Variants in CCDC60 observed in about 807,000 individuals in gnomAD.
CCDC60 encodes the protein coiled-coil domain containing 60.
CCDC60 carries 54 observed loss-of-function variants against 63.5 expected under a neutral mutation model. The ratio of observed to expected loss-of-function variants is 0.85; its 90% CI spans 0.68 to 1.07. The LOEUF is 1.07. Ranked by LOEUF, CCDC60 falls within the 50% of genes least tolerant of loss-of-function variation. The pLI is 0.00. For synonymous variants in CCDC60, 206 were observed against 238.8 expected, an observed-to-expected ratio of 0.86 and a Z score of 1.27; for missense variants, 651 against 684.3, an observed-to-expected ratio of 0.95 and a Z score of 0.54.
At chr12:119,504,119 G>A (rs1951928180) in intron 6 of CCDC60, among the ~76,000 whole-genome samples, 1 of 151,922 alleles carries the variant, frequency 6.6e-6, no homozygotes, top group South Asian at 2.1e-4. Context: ...CGATGTCACT[G>A]AAAAAAAACT....
intron 1 of CCDC60, among the ~76,000 whole-genome samples, chr12:119,354,329 T>C (rs1272408510): frequency 6.6e-6 from 1 of 152,200 alleles, no homozygotes; most frequent in East Asian, 1.9e-4. Context: ...ACTCCTTGTT[T>C]CGTTAATGTG....
intron 4 of CCDC60, among the ~76,000 whole-genome samples, chr12:119,483,912 T>C (rs538513747): frequency 2.0e-3 from 297 of 152,166 alleles, no homozygotes; most frequent in African/African-American, 6.8e-3. Flanking sequence ...AAAAGACCGA[T>C]TTCTATCAAG....
At chr12:119,523,566 C>T in intron 10 of CCDC60, 127 bp from the exon 11 acceptor site, 1 of 1,325,290 alleles carries the variant, frequency 7.5e-7, no homozygotes, top group Non-Finnish European at 1.0e-6. Context: ...GGGCAGAGAA[C>T]CCAGGTGGCT....
At chr12:119,482,057 A>G (rs1055627278) in intron 4 of CCDC60, among the ~76,000 whole-genome samples, 3 of 146,654 alleles carry the variant, frequency 2.0e-5, no homozygotes, top group African/African-American at 7.5e-5. Flanking sequence ...ATATGTGTGT[A>G]TATATATGAT....
chr12:119,530,910 A>G lies in CCDC60; in HGVS notation c.1398A>G (p.Leu466=). Residue 466 remains leucine (L), a synonymous_variant, in exon 13 of 14, where the codon CTA becomes CTG. Coordinates refer to ENST00000327554, the MANE Select transcript of CCDC60 (RefSeq NM_178499.5). Reference sequence around the variant, plus strand: ...TGTTGTCCAAACTGCCAGAGGATCTAAAGAACTTCCGCCCCGCCAAAAAGA... The same window carrying G: ...TGTTGTCCAAACTGCCAGAGGATCTGAAGAACTTCCGCCCCGCCAAAAAGA... The part of the protein sequence containing the change: ...FDLLSKLPED[L]KNFRPAKKIL... 6.2e-7 allele frequency: 1 copy of G among 1,614,118 alleles called. No homozygotes were observed. Among genetic ancestry groups the G allele is most frequent in the South Asian group, 1.1e-5 (1 of 91,070 alleles).
chr12:119,514,643 A>C (rs1952305610), intron 7 of CCDC60, among the ~76,000 whole-genome samples: 1 of 152,228 alleles, frequency 6.6e-6, no homozygotes, highest in Admixed American at 6.5e-5. Flanking sequence ...AGAAATTTAA[A>C]AAATGTAAAG....
intron 1 of CCDC60, among the ~76,000 whole-genome samples, chr12:119,361,319 G>A (rs1955789041): frequency 6.6e-6 from 1 of 152,064 alleles, no homozygotes; most frequent in African/African-American, 2.4e-5. Flanking sequence ...GGAATCAGAG[G>A]TTCACATTAC....
intron 1 of CCDC60, among the ~76,000 whole-genome samples, chr12:119,387,616 CTT>C (rs897392266): frequency 2.0e-5 from 3 of 152,044 alleles, no homozygotes; most frequent in African/African-American, 4.8e-5. Context: ...ATATATGAAT[CTT>C]TACACATTTT....
At chr12:119,397,624 C>T (rs1956282425) in intron 1 of CCDC60, among the ~76,000 whole-genome samples, 1 of 147,840 alleles carries the variant, frequency 6.8e-6, no homozygotes, top group Admixed American at 6.8e-5. Context: ...TCCAAGTCCC[C>T]ACTCAACTCA....
rs764715710 is a variant in CCDC60, at chr12:119,489,805, C to CT, written c.557+951dup. Among the ~76,000 whole-genome samples, 507 of 144,440 alleles carry CT rather than the reference C, an allele frequency of 3.5e-3. 1 individual carries two copies. The highest frequency in any genetic ancestry group is 5.5e-3 in the African/African-American group (217 of 39,574). The allele number at this position is 144,440 out of a possible 152,430, so 94.8% of individuals were successfully genotyped here. On this transcript the variant is annotated intron_variant, in intron 5 of 13. Transcript: ENST00000327554. ...GTCTTCCTCTTCCCAAAACCTGAGT[C>CT]TTTTTTTTTTTTAGACAGAGTCTTG...
intron 9 of CCDC60, among the ~76,000 whole-genome samples, chr12:119,522,696 G>A (rs919652446): frequency 8.5e-5 from 13 of 152,194 alleles, no homozygotes; most frequent in African/African-American, 2.9e-4. Flanking sequence ...GCTGTGGACC[G>A]TAAGGCAGGG....
intron 7 of CCDC60, among the ~76,000 whole-genome samples, chr12:119,506,928 G>A (rs907724374): frequency 7.2e-5 from 11 of 152,140 alleles, no homozygotes; most frequent in Non-Finnish European, 1.2e-4. Context: ...AGAAGAGAGG[G>A]TAAGACAGGG....
intron 1 of CCDC60, among the ~76,000 whole-genome samples, chr12:119,399,020 TCA>T (rs1956338647): frequency 6.6e-6 from 1 of 152,008 alleles, no homozygotes. Context: ...TTGCCCAGAG[TCA>T]CACAGTGATG....
In CCDC60 at chr12:119,406,363, C is replaced by T. The variant is rs141168840; in HGVS notation, c.91-22320C>T. ...AGATCAATAGCATTCACATTCCATACCCATAATTCAGTTTCCCAGGCTTTG... is the reference window on the plus strand; with the variant it reads ...AGATCAATAGCATTCACATTCCATATCCATAATTCAGTTTCCCAGGCTTTG... On this transcript the variant is annotated intron_variant, in intron 1 of 13. Coordinates refer to ENST00000327554, the MANE Select transcript of CCDC60 (RefSeq NM_178499.5). Among the ~76,000 whole-genome samples the T allele has an allele frequency of 4.9e-3, 745 of 152,200 alleles. 9 individuals carry two copies. Among genetic ancestry groups the T allele is most frequent in the African/African-American group, 0.017 (720 of 41,526 alleles).
chr12:119,399,107 T>C (rs1021727025), intron 1 of CCDC60, among the ~76,000 whole-genome samples: 7 of 152,162 alleles, frequency 4.6e-5, no homozygotes, highest in East Asian at 1.9e-4. Context: ...AAAAAAAATA[T>C]AGGATGAAGG....
chr12:119,445,161 C>T (rs976534924), intron 2 of CCDC60, among the ~76,000 whole-genome samples: 2 of 151,950 alleles, frequency 1.3e-5, no homozygotes, highest in African/African-American at 2.4e-5. Context: ...AGGCCAGGCG[C>T]GGTGGCTCAC....
chr12:119,527,038 G>A (rs1376461020), intron 11 of CCDC60, among the ~76,000 whole-genome samples: 1 of 152,098 alleles, frequency 6.6e-6, no homozygotes, highest in Non-Finnish European at 1.5e-5. Flanking sequence ...TGACAGACTG[G>A]ATAAAAAATT....
At chr12:119,445,289 C>T (rs1419399669) in intron 2 of CCDC60, among the ~76,000 whole-genome samples, 1 of 151,572 alleles carries the variant, frequency 6.6e-6, no homozygotes, top group Admixed American at 6.6e-5. Context: ...CAAAAATTAG[C>T]CGGGTATGGT....
Position 119,482,137 on chromosome 12 carries a change from T to C in CCDC60, c.449+2936T>C, listed in dbSNP as rs1158444159. On this transcript the variant is annotated intron_variant, in intron 4 of 13. Transcript: ENST00000327554. ...ACATATATATACATATATATACACATATATATACACACACACACACATACA... is the reference window on the plus strand; with the variant it reads ...ACATATATATACATATATATACACACATATATACACACACACACACATACA... Among the ~76,000 whole-genome samples the C allele has an allele frequency of 2.1e-5, 3 of 145,510 alleles. No homozygotes were observed. In the Admixed American group the frequency reaches 2.1e-4, roughly 10 times the overall value.
Sources: gnomAD v4.1 joint callset for allele counts (sites outside exome capture counted in the v4.1 genomes callset) on GRCh38, gnomAD v4.1.1 for gene constraint, MANE v1.5 for transcripts, NCBI Gene and HGNC (gene_info 2026-07-23, HGNC 2026-07-21) for gene names.